Variants in MYO5C observed in about 807,000 individuals in gnomAD.
MYO5C encodes the protein unconventional myosin-Vc.
A neutral mutation model predicts 235.7 loss-of-function variants in MYO5C; 194 were observed. The observed-to-expected ratio is 0.82, with a 90% CI of 0.73 to 0.93. The LOEUF is 0.93. MYO5C is among the 40% of genes least tolerant of loss of function. The pLI is 0.00. For synonymous variants in MYO5C, 707 were observed against 754.8 expected, an observed-to-expected ratio of 0.94 and a Z score of 1.04; for missense variants, 2,038 against 2,127.2, an observed-to-expected ratio of 0.96 and a Z score of 0.82.
chr15:52,250,667 C>T (rs982047764), intron 13 of MYO5C, among the ~76,000 whole-genome samples: 1 of 152,182 alleles, frequency 6.6e-6, no homozygotes, highest in Admixed American at 6.5e-5. Flanking sequence ...ACTCACAGCA[C>T]CGGCCTCTGC....
At chr15:52,213,335 C>G in intron 33 of MYO5C, 49 bp from the exon 34 acceptor site, 1 of 1,376,794 alleles carries the variant, frequency 7.3e-7, no homozygotes. Context: ...GCAGCTTTCA[C>G]AGGTCTCACA....
At chr15:52,289,421 G>A (rs1017996118) in intron 1 of MYO5C, among the ~76,000 whole-genome samples, 4 of 152,102 alleles carry the variant, frequency 2.6e-5, no homozygotes, top group South Asian at 2.1e-4. Flanking sequence ...CAGTGATGCC[G>A]ACGCTCCTCC....
chr15:52,199,492 G>A, intron 38 of MYO5C, among the ~76,000 whole-genome samples: 1 of 152,116 alleles, frequency 6.6e-6, no homozygotes, highest in East Asian at 1.9e-4. Flanking sequence ...AGAATTTGAA[G>A]TCCTTCCAAG....
chr15:52,244,509 G>A lies in MYO5C; in HGVS notation c.2237C>T (p.Ala746Val). 1 of 1,614,088 alleles carries A rather than the reference G, an allele frequency of 6.2e-7. No individual in the cohort carries two copies. The highest frequency in any genetic ancestry group is 8.5e-7 in the Non-Finnish European group (1 of 1,180,036). Residue 746 changes from alanine (A) to valine (V), a missense_variant, in exon 19 of 41, where the codon GCT becomes GTT. Coordinates refer to ENST00000261839, the MANE Select transcript of MYO5C (RefSeq NM_018728.4). ...TKIFFRAGQV[A>V]YLEKLRLDKL... ...ATCCAATCGAAGTTTCTCTAAATAAGCCACTTGTCCTGCTCTGAAGAAAAT... is the reference window on the plus strand; with the variant it reads ...ATCCAATCGAAGTTTCTCTAAATAAACCACTTGTCCTGCTCTGAAGAAAAT...
At chr15:52,259,861 A>G (rs1007743202) in intron 10 of MYO5C, among the ~76,000 whole-genome samples, 1 of 152,224 alleles carries the variant, frequency 6.6e-6, no homozygotes, top group Admixed American at 6.5e-5. Flanking sequence ...CCTCCCCAGG[A>G]GGCAGCAGCA....
rs539700807 is a variant in MYO5C at position 52,285,787 on chromosome 15, C to CTGGA, written c.28-2899_28-2896dup. On this transcript the variant is annotated intron_variant, in intron 1 of 40. Transcript: ENST00000261839. Reference sequence around the variant, plus strand: ...CACTCAGTGCTCAATGGTGCCCAGGCTGGAGTGCAGTGGCGTGATCTCGGC... The same window carrying CTGGA: ...CACTCAGTGCTCAATGGTGCCCAGGCTGGATGGAGTGCAGTGGCGTGATCTCGGC... 5.8e-3 allele frequency among the ~76,000 whole-genome samples: 890 copies of CTGGA among 152,336 alleles called. 7 individuals carry two copies. Among genetic ancestry groups the CTGGA allele is most frequent in the Middle Eastern group, 0.017 (5 of 294 alleles).
chr15:52,220,145 C>T (rs1262218102), intron 30 of MYO5C, among the ~76,000 whole-genome samples: 1 of 152,228 alleles, frequency 6.6e-6, no homozygotes, highest in Admixed American at 6.5e-5. Context: ...TTGTCTTAAA[C>T]TGTATCCAGA....
intron 40 of MYO5C, among the ~76,000 whole-genome samples, chr15:52,194,501 T>C (rs563173291): frequency 9.2e-5 from 14 of 152,350 alleles, no homozygotes; most frequent in African/African-American, 1.7e-4. Context: ...TATGGGTATA[T>C]TGGCATTTGC....
chr15:52,253,975 G>A (rs1382417747), intron 11 of MYO5C, among the ~76,000 whole-genome samples: 15 of 151,378 alleles, frequency 9.9e-5, no homozygotes, highest in African/African-American at 3.4e-4. Flanking sequence ...AAGTTTGGCT[G>A]GCAGGTGGTG....
chr15:52,211,935 C>T lies in MYO5C; in HGVS notation c.4142-51G>A, dbSNP rs74461757. 3.4e-3 allele frequency: 5,314 copies of T among 1,583,230 alleles called. 160 individuals carry two copies. The African/African-American group carries it at 0.064, about 19-fold the overall frequency. On this transcript the variant is annotated intron_variant, in intron 34 of 40. Coordinates refer to ENST00000261839, the MANE Select transcript of MYO5C (RefSeq NM_018728.4). Reference sequence around the variant, plus strand: ...TTACAGCTGACAGGTCAGCTCTTCTCCTAAGGAACTTGTGACTAGGGGCAG... The same window carrying T: ...TTACAGCTGACAGGTCAGCTCTTCTTCTAAGGAACTTGTGACTAGGGGCAG...
intron 17 of MYO5C, 112 bp downstream of exon 17, chr15:52,245,844 C>A: frequency 2.0e-6 from 2 of 992,292 alleles, no homozygotes; most frequent in Non-Finnish European, 3.1e-6. Flanking sequence ...CTTGGGGGCA[C>A]TTTACAGAAG....
At chr15:52,240,876 G>C (rs2036205046) in intron 20 of MYO5C, among the ~76,000 whole-genome samples, 1 of 152,212 alleles carries the variant, frequency 6.6e-6, no homozygotes, top group African/African-American at 2.4e-5. Context: ...ACCGAATTAA[G>C]ATTGTGAAAT....
rs1039194067 is a variant in MYO5C, at chr15:52,282,636, C to T, written c.138+146G>A. ...CAGACACATCAGTGAGTCCCGGCAC[C>T]AGGAGGCCATTTGGGAATGGTGCTG... On this transcript the variant is annotated intron_variant, in intron 2 of 40. Coordinates refer to ENST00000261839, the MANE Select transcript of MYO5C (RefSeq NM_018728.4). 4.6e-6 allele frequency: 3 copies of T among 645,800 alleles called. No homozygotes were observed. The African/African-American group carries it at 5.4e-5, about 12-fold the overall frequency. 40.0% of individuals were successfully genotyped at this position (645,800 alleles called of 1,614,324 possible). A position where few individuals can be genotyped will look rare whatever the true frequency, so the allele number is the denominator to read the frequency against.
intron 40 of MYO5C, 132 bp downstream of exon 40, chr15:52,195,245 G>A: frequency 1.7e-6 from 1 of 587,032 alleles, no homozygotes; most frequent in Non-Finnish European, 2.8e-6. Context: ...TTACCTTTGA[G>A]CTGGGTGCCT....
At chr15:52,261,438 A>C (rs1361025013) in intron 9 of MYO5C, among the ~76,000 whole-genome samples, 1 of 152,198 alleles carries the variant, frequency 6.6e-6, no homozygotes, top group Non-Finnish European at 1.5e-5. Flanking sequence ...CATAGAGGCC[A>C]CCCTCTCTAG....
Position 52,192,763 on chromosome 15 carries a change from TA to T in MYO5C, c.*1138del, listed in dbSNP as rs1246919074. ...GTTACTTTTTGAGAAAATTTAAAAATAAATACATTGAAATGCTGATTAGAGA... is the reference window on the plus strand; with the variant it reads ...GTTACTTTTTGAGAAAATTTAAAAATAATACATTGAAATGCTGATTAGAGA... On this transcript the variant is annotated 3_prime_UTR_variant, in exon 41 of 41. Transcript: ENST00000261839. The T allele has an allele frequency of 6.6e-6, 1 of 152,176 alleles. No individual in the cohort carries two copies. Among genetic ancestry groups the T allele is most frequent in the Non-Finnish European group, 1.5e-5 (1 of 68,024 alleles). 9.4% of individuals were successfully genotyped at this position (152,176 alleles called of 1,614,324 possible). A position where few individuals can be genotyped will look rare whatever the true frequency, so the allele number is the denominator to read the frequency against.
chr15:52,243,057 T>G (rs1281730798), intron 19 of MYO5C: 1 of 152,250 alleles, frequency 6.6e-6, no homozygotes, highest in Non-Finnish European at 1.5e-5. Flanking sequence ...GCCACCATGC[T>G]AGGTCTGGGT....
chr15:52,290,821 C>G (rs185841029), intron 1 of MYO5C, among the ~76,000 whole-genome samples: 1 of 151,960 alleles, frequency 6.6e-6, no homozygotes, highest in African/African-American at 2.4e-5. Context: ...GGGCACTAAA[C>G]AAAACAGAAA....
At chr15:52,273,901 C>T (rs1721558587) in intron 5 of MYO5C, among the ~76,000 whole-genome samples, 1 of 152,180 alleles carries the variant, frequency 6.6e-6, no homozygotes, top group Admixed American at 6.5e-5. Context: ...AAGTTCACAT[C>T]TTTCATCCAA....
Sources: allele counts gnomAD v4.1 joint callset (sites outside exome capture counted in the v4.1 genomes callset), GRCh38; gene constraint gnomAD v4.1.1; transcripts MANE v1.5; gene names NCBI Gene and HGNC (gene_info 2026-07-23, HGNC 2026-07-21).